PUDP: variants seen among roughly 807,000 people sequenced by gnomAD.
The protein encoded by PUDP is pseudouridine 5'-phosphatase.
A neutral mutation model predicts 9.4 loss-of-function variants in PUDP; 8 were observed. The observed-to-expected ratio is 0.85, with a 90% CI of 0.50 to 1.53. The LOEUF (loss-of-function observed/expected upper bound fraction) is 1.53. Among genes scored for constraint, PUDP ranks in the 40% most tolerant of loss-of-function variants. PUDP has a pLI of 0.00. For missense variants in PUDP, 188 were observed against 189.7 expected (o/e 0.99, Z 0.05); for synonymous variants, 99 against 80.7 (o/e 1.23, Z -1.22).
At chrX:7,032,575 T>C (rs1929805757) in intron 1 of PUDP, among the ~76,000 whole-genome samples, 1 of 112,278 alleles carries the variant, frequency 8.9e-6, no homozygotes, top group African/African-American at 3.2e-5. Flanking sequence ...CGGAAACACA[T>C]ATAAATCTCA....
At chrX:6,750,052 G>A (rs1311577433) in intron 3 of PUDP, among the ~76,000 whole-genome samples, 1 of 111,941 alleles carries the variant, frequency 8.9e-6, no homozygotes, top group East Asian at 2.8e-4. Context: ...ATACAATAAG[G>A]GGATGGATGG....
intron 3 of PUDP, among the ~76,000 whole-genome samples, chrX:6,948,417 G>A (rs1298259699): frequency 3.6e-5 from 4 of 111,599 alleles, no homozygotes; most frequent in Non-Finnish European, 3.8e-5. Context: ...TCTTTTGCTC[G>A]CTTCCCATTT....
intron 3 of PUDP, among the ~76,000 whole-genome samples, chrX:6,902,067 G>T (rs777124311): frequency 1.8e-5 from 2 of 110,224 alleles, no homozygotes; most frequent in Middle Eastern, 4.7e-3. Context: ...TAAAGATGGC[G>T]GGGGGCGGGG....
At chrX:6,715,593 T>A (rs1442826924) in intron 1 of PUDP, among the ~76,000 whole-genome samples, 2 of 112,437 alleles carry the variant, frequency 1.8e-5, no homozygotes, top group Non-Finnish European at 3.8e-5. Flanking sequence ...AGACTTTTTT[T>A]AAAAGGGCTA....
At chrX:7,092,152 C>T (rs1320568252) in intron 2 of PUDP, among the ~76,000 whole-genome samples, 1 of 112,895 alleles carries the variant, frequency 8.9e-6, no homozygotes, top group African/African-American at 3.2e-5. Context: ...GTATCCTCAC[C>T]TACATAATGC....
chrX:6,936,059 G>C (rs1486799607), intron 3 of PUDP, among the ~76,000 whole-genome samples: 1 of 110,842 alleles, frequency 9.0e-6, no homozygotes, highest in Admixed American at 9.6e-5. Context: ...AGAGGTACAA[G>C]GAGGAACTGA....
intron 3 of PUDP, among the ~76,000 whole-genome samples, chrX:6,915,874 G>T (rs1927921373): frequency 9.0e-6 from 1 of 110,882 alleles, no homozygotes; most frequent in Non-Finnish European, 1.9e-5. Context: ...ACTAATATTA[G>T]AATATTAATA....
At chrX:6,905,128 A>T (rs1308639561) in intron 3 of PUDP, among the ~76,000 whole-genome samples, 1 of 111,788 alleles carries the variant, frequency 8.9e-6, no homozygotes, top group Non-Finnish European at 1.9e-5. Context: ...AAAAAGTCTA[A>T]TCATCTTAAC....
chrX:6,932,868 T>C (rs1210462267), intron 3 of PUDP, among the ~76,000 whole-genome samples: 3 of 110,744 alleles, frequency 2.7e-5, no homozygotes, highest in Middle Eastern at 4.6e-3. Flanking sequence ...CGCTGATTGC[T>C]GGCACAGCAG....
At chrX:6,789,483 T>TC (rs1175674461) in intron 3 of PUDP, among the ~76,000 whole-genome samples, 1 of 85,274 alleles carries the variant, frequency 1.2e-5, no homozygotes, top group African/African-American at 4.1e-5. Context: ...TGTTGGAGGG[T>TC]TTTTTAAAAA....
chrX:6,721,759 T>G (rs972472910), upstream of PUDP, among the ~76,000 whole-genome samples: 2 of 111,978 alleles, frequency 1.8e-5, no homozygotes, highest in African/African-American at 3.2e-5. Context: ...TAAATTAAGC[T>G]CTATATTCCA....
intron 1 of PUDP, among the ~76,000 whole-genome samples, chrX:6,709,552 G>C (rs1037492637): frequency 1.8e-5 from 2 of 112,077 alleles, no homozygotes; most frequent in African/African-American, 6.5e-5. Flanking sequence ...GGTTTAGTAC[G>C]AGAGTCATTG....
chrX:7,008,845 TAGA>T (rs2146813318), intron 1 of PUDP, among the ~76,000 whole-genome samples: 1 of 112,481 alleles, frequency 8.9e-6, no homozygotes, highest in East Asian at 2.8e-4. Context: ...TTAAAAAATT[TAGA>T]AGGACTAAAA....
rs946493332 is a variant in PUDP, at chrX:7,083,642, T to C, written c.281-6193A>G. On this transcript the variant is annotated intron_variant, in intron 2 of 3. Transcript: ENST00000381077. ...TTGGCTGGGCATGGTGGCTCATGCC[T>C]ACAATCTCAGCACTTTGGGAGGCCG... Among the ~76,000 whole-genome samples, 5 of 110,907 alleles carry C rather than the reference T, an allele frequency of 4.5e-5. No individual in the cohort carries two copies. The Admixed American group carries it at 4.8e-4, about 11-fold the overall frequency.
chrX:6,749,030 C>T lies in PUDP; in HGVS notation c.*248-42564G>A, dbSNP rs1925033559. Among the ~76,000 whole-genome samples the T allele has an allele frequency of 2.7e-5, 3 of 111,581 alleles. No individual in the cohort carries two copies. In the Admixed American group the frequency reaches 2.9e-4, roughly 11 times the overall value. ...AGAGCAGAGAGGGAGATTCTTATCTCGGATCCTATGCACCCCAGAGGCGGC... is the reference window on the plus strand; with the variant it reads ...AGAGCAGAGAGGGAGATTCTTATCTTGGATCCTATGCACCCCAGAGGCGGC... On this transcript the variant is annotated intron_variant and NMD_transcript_variant, in intron 3 of 3. Transcript: ENST00000655425.
At chrX:7,076,686 C>T (rs866217178) in intron 3 of PUDP, among the ~76,000 whole-genome samples, 1 of 112,084 alleles carries the variant, frequency 8.9e-6, no homozygotes, top group African/African-American at 3.2e-5. Context: ...GGCATACAAG[C>T]CCACCAGCTG....
At chrX:6,772,503 A>G (rs1925379742) in intron 3 of PUDP, among the ~76,000 whole-genome samples, 1 of 110,423 alleles carries the variant, frequency 9.1e-6, no homozygotes, top group Non-Finnish European at 1.9e-5. Flanking sequence ...TTCAACTCTG[A>G]GGTCCCCATC....
downstream of PUDP, among the ~76,000 whole-genome samples, chrX:7,048,736 T>C (rs745344213): frequency 3.6e-5 from 4 of 112,621 alleles, no homozygotes; most frequent in South Asian, 3.7e-4. Flanking sequence ...AAGTCTTTCA[T>C]TGAAAGCCTC....
chrX:6,825,976 T>A (rs1926417805), intron 3 of PUDP, among the ~76,000 whole-genome samples: 1 of 111,998 alleles, frequency 8.9e-6, no homozygotes, highest in Admixed American at 9.5e-5. Context: ...GAAAACAAAG[T>A]TAAACTAATA....
Sources: allele counts gnomAD v4.1 joint callset (sites outside exome capture counted in the v4.1 genomes callset), GRCh38; gene constraint gnomAD v4.1.1; transcripts MANE v1.5; gene names NCBI Gene and HGNC (gene_info 2026-07-23, HGNC 2026-07-21).